GABRB1: variants seen among roughly 807,000 people sequenced by gnomAD.
GABRB1 encodes gamma-aminobutyric acid receptor subunit beta-1.
A neutral mutation model predicts 51.6 loss-of-function variants in GABRB1; 17 were observed. The observed-to-expected ratio is 0.33, with a 90% CI of 0.23 to 0.49. The LOEUF is 0.49. GABRB1 is among the 20% of genes least tolerant of loss of function. The probability of loss-of-function intolerance (pLI) is 0.99; values close to 1 mark genes in which losing one functional copy is unlikely to be tolerated. For synonymous variants in GABRB1, 247 were observed against 218.9 expected, an observed-to-expected ratio of 1.13 and a Z score of -1.14; for missense variants, 410 against 600.6, an observed-to-expected ratio of 0.68 and a Z score of 3.32.
chr4:47,096,514 A>C (rs1714442770), intron 3 of GABRB1, among the ~76,000 whole-genome samples: 2 of 152,184 alleles, frequency 1.3e-5, no homozygotes, highest in African/African-American at 4.8e-5. Context: ...AGAGATGTTC[A>C]TGCCCTAATC....
intron 4 of GABRB1, among the ~76,000 whole-genome samples, chr4:47,218,414 G>T (rs1720638494): frequency 6.6e-6 from 1 of 151,706 alleles, no homozygotes; most frequent in Non-Finnish European, 1.5e-5. Flanking sequence ...AACCTCCATA[G>T]TTTTTTGCAT....
At chr4:47,327,744 A>C (rs1160021286) in intron 5 of GABRB1, among the ~76,000 whole-genome samples, 1 of 152,240 alleles carries the variant, frequency 6.6e-6, no homozygotes, top group African/African-American at 2.4e-5. Context: ...GATAGTAACA[A>C]CATGTACACA....
In GABRB1 at chr4:47,077,971, TTATATATA is replaced by T. The variant is rs1560523722; in HGVS notation, c.240+45488_240+45495del. ...ATATTATATATTTTATATATATATT[TTATATATA>T]ATATATAATATATAATATATATATA... On this transcript the variant is annotated intron_variant, in intron 3 of 8. Coordinates refer to ENST00000295454, the MANE Select transcript of GABRB1 (RefSeq NM_000812.4). Among the ~76,000 whole-genome samples, 11 of 88,562 alleles carry T rather than the reference TTATATATA, an allele frequency of 1.2e-4. 1 individual carries two copies. The highest frequency in any genetic ancestry group is 5.0e-4 in the African/African-American group (11 of 21,858). 58.1% of individuals were successfully genotyped at this position (88,562 alleles called of 152,430 possible). A position where few individuals can be genotyped will look rare whatever the true frequency, so the allele number is the denominator to read the frequency against.
chr4:47,313,092 A>T (rs185686237), intron 4 of GABRB1, among the ~76,000 whole-genome samples: 235 of 152,294 alleles, frequency 1.5e-3, no homozygotes, highest in African/African-American at 5.4e-3. Context: ...TTTCTAACTA[A>T]TAGCCCATTA....
intron 1 of GABRB1, among the ~76,000 whole-genome samples, chr4:47,010,161 G>T (rs907778602): frequency 5.8e-4 from 89 of 152,154 alleles, no homozygotes; most frequent in African/African-American, 2.1e-3. Context: ...ACACTGTCTT[G>T]TCCTTCCTTT....
intron 4 of GABRB1, among the ~76,000 whole-genome samples, chr4:47,269,307 T>C (rs986193383): frequency 1.3e-5 from 2 of 152,258 alleles, no homozygotes; most frequent in Admixed American, 6.5e-5. Flanking sequence ...CTTTTCATTA[T>C]GCACTTCTTT....
chr4:47,023,881 A>G (rs945762706), intron 1 of GABRB1, among the ~76,000 whole-genome samples: 1 of 151,930 alleles, frequency 6.6e-6, no homozygotes, highest in Non-Finnish European at 1.5e-5. Context: ...CGGGAACATT[A>G]CTTTTAAAAA....
intron 3 of GABRB1, among the ~76,000 whole-genome samples, chr4:47,086,002 T>C (rs1728041083): frequency 1.3e-5 from 2 of 152,322 alleles, no homozygotes; most frequent in South Asian, 4.1e-4. Flanking sequence ...AAGAAGCAAA[T>C]TCACATTGCA....
intron 3 of GABRB1, among the ~76,000 whole-genome samples, chr4:47,082,655 T>C (rs578207161): frequency 6.6e-6 from 1 of 152,222 alleles, no homozygotes; most frequent in Non-Finnish European, 1.5e-5. Flanking sequence ...AACCTTGGAA[T>C]GTCACTAAAG....
chr4:47,198,081 G>A (rs13107877), intron 4 of GABRB1, among the ~76,000 whole-genome samples: 105,129 of 152,006 alleles, frequency 0.69, 37,091 homozygotes, highest in Middle Eastern at 0.86. Flanking sequence ...CCTGGCAGCA[G>A]CATGTTCAAG....
At chr4:47,200,487 C>A (rs1005059788) in intron 4 of GABRB1, among the ~76,000 whole-genome samples, 1 of 152,092 alleles carries the variant, frequency 6.6e-6, no homozygotes, top group East Asian at 1.9e-4. Flanking sequence ...ATAAAGGCAT[C>A]GAACACTGTA....
chr4:47,000,822 A>G (rs189911548), intron 1 of GABRB1, among the ~76,000 whole-genome samples: 10 of 152,290 alleles, frequency 6.6e-5, no homozygotes, highest in African/African-American at 2.4e-4. Context: ...TTCAAGTTAG[A>G]CTGAAGCTGA....
At chr4:47,238,930 A>G (rs1030528688) in intron 4 of GABRB1, among the ~76,000 whole-genome samples, 5 of 152,330 alleles carry the variant, frequency 3.3e-5, no homozygotes, top group African/African-American at 1.2e-4. Context: ...CTATTGTAGG[A>G]GGAGCTTTGA....
chr4:47,014,164 C>A (rs987632881), intron 1 of GABRB1, among the ~76,000 whole-genome samples: 1 of 152,110 alleles, frequency 6.6e-6, no homozygotes, highest in Non-Finnish European at 1.5e-5. Context: ...GCAGTGTTAC[C>A]TCTATAATGT....
upstream of GABRB1, among the ~76,000 whole-genome samples, chr4:47,027,054 G>A (rs1336478758): frequency 1.3e-5 from 2 of 151,522 alleles, no homozygotes; most frequent in Non-Finnish European, 3.0e-5. Context: ...GTTTAAAATA[G>A]TGCTGATAAA....
At chr4:47,033,571 A>G (rs1725429942) in intron 3 of GABRB1, among the ~76,000 whole-genome samples, 1 of 152,110 alleles carries the variant, frequency 6.6e-6, no homozygotes, top group Non-Finnish European at 1.5e-5. Context: ...ACCATTTGAG[A>G]TTGTATCACT....
intron 3 of GABRB1, among the ~76,000 whole-genome samples, chr4:47,117,176 AG>A (rs879877809): frequency 3.9e-5 from 6 of 152,226 alleles, no homozygotes; most frequent in Non-Finnish European, 7.3e-5. Flanking sequence ...GAGCCATTAA[AG>A]ATTTTTATCT....
chr4:47,032,699 T>G (rs1725378583), intron 3 of GABRB1: 2 of 712,056 alleles, frequency 2.8e-6, no homozygotes, highest in East Asian at 5.4e-5. Context: ...GGAAACGTGC[T>G]CGGCACTATT....
Position 47,031,693 on chromosome 4 carries a change from T to C in GABRB1, c.42T>C (p.Ser14=). Reference sequence around the variant, plus strand: ...ATCGAGAGAGTCTGGGGCTTCTCTCTTTCCCTGTGATGATTACCATGGTCT... The same window carrying C: ...ATCGAGAGAGTCTGGGGCTTCTCTCCTTCCCTGTGATGATTACCATGGTCT... The part of the protein sequence containing the change: ...VQNRESLGLL[S]FPVMITMVCC... The change falls in exon 1 of 9, where the codon TCT becomes TCC. Residue 14 remains serine, a synonymous_variant. Coordinates refer to ENST00000295454, the MANE Select transcript of GABRB1 (RefSeq NM_000812.4). 1 of 1,614,096 alleles carries C rather than the reference T, an allele frequency of 6.2e-7. No homozygotes were observed. Among genetic ancestry groups the C allele is most frequent in the Non-Finnish European group, 8.5e-7 (1 of 1,179,910 alleles).
Sources: gnomAD v4.1 joint callset for allele counts (sites outside exome capture counted in the v4.1 genomes callset) on GRCh38, gnomAD v4.1.1 for gene constraint, MANE v1.5 for transcripts, NCBI Gene and HGNC (gene_info 2026-07-23, HGNC 2026-07-21) for gene names.